The following SRSF11 variants were observed in gnomAD, a reference collection of about 807,000 sequenced individuals.
The protein encoded by SRSF11 is serine/arginine-rich splicing factor 11.
SRSF11 carries 9 observed loss-of-function variants against 56.0 expected under a neutral mutation model. The ratio of observed to expected loss-of-function variants is 0.16; its 90% CI spans 0.10 to 0.28. The LOEUF (loss-of-function observed/expected upper bound fraction) is 0.28. Among genes scored for constraint, SRSF11 ranks in the 10% least tolerant of loss-of-function variants. SRSF11 has a pLI of 1.00. For missense variants in SRSF11, 421 were observed against 600.7 expected, an observed-to-expected ratio of 0.70 and a Z score of 3.13; for synonymous variants, 222 against 215.3, an observed-to-expected ratio of 1.03 and a Z score of -0.27.
intron 1 of SRSF11, among the ~76,000 whole-genome samples, chr1:70,212,463 G>T (rs1669647177): frequency 6.6e-6 from 1 of 152,056 alleles, no homozygotes; most frequent in African/African-American, 2.4e-5. Flanking sequence ...TGCCACTTTG[G>T]CCAGGCTGAT....
chr1:70,230,263 G>A, intron 2 of SRSF11: 1 of 1,000,436 alleles, frequency 1.0e-6, no homozygotes. Flanking sequence ...ATTTCATTCA[G>A]AATTCTATTG....
chr1:70,244,886 A>G, intron 8 of SRSF11, 71 bp downstream of exon 8: 1 of 1,484,948 alleles, frequency 6.7e-7, no homozygotes, highest in Non-Finnish European at 9.2e-7. Flanking sequence ...TTAGTAACAA[A>G]AGAGGTGGTT....
intron 7 of SRSF11, among the ~76,000 whole-genome samples, chr1:70,240,352 TAGTG>T (rs1214980081): frequency 3.9e-5 from 6 of 152,242 alleles, no homozygotes; most frequent in Non-Finnish European, 7.3e-5. Flanking sequence ...GTGAAGAAGA[TAGTG>T]AGTGACTCCT....
intron 3 of SRSF11, 113 bp from the exon 4 acceptor site, chr1:70,234,583 A>G (rs1039450440): frequency 6.6e-6 from 5 of 753,270 alleles, no homozygotes; most frequent in African/African-American, 3.5e-5. Flanking sequence ...TACGGAGACC[A>G]TGTAGCCTGA....
At position 70,246,935 on chromosome 1, in the gene SRSF11, A is replaced by G. The variant is rs781512271; in HGVS notation, c.1022+28A>G. ...AAGGTGGCATTGTGAATTCTTGGCA[A>G]TTATTTTTTTAACTTTGCTTCTAAC... On this transcript the variant is annotated intron_variant, in intron 9 of 11. Transcript: ENST00000370949. The G allele has an allele frequency of 2.7e-5, 43 of 1,568,100 alleles. No homozygotes were observed. The South Asian group carries it at 4.8e-4, about 17-fold the overall frequency.
At chr1:70,247,232 T>TTACTTAATGG in intron 9 of SRSF11, 1 of 450,916 alleles carries the variant, frequency 2.2e-6, no homozygotes. Context: ...TATAGTAAGC[T>TTACTTAATGG]ATATTTATCA....
At chr1:70,247,228 A>G in intron 9 of SRSF11, 3 of 491,088 alleles carry the variant, frequency 6.1e-6, no homozygotes, top group Non-Finnish European at 8.1e-6. Context: ...TTATTATAGT[A>G]AGCTATATTT....
chr1:70,215,056 C>T (rs1415044481), intron 1 of SRSF11, among the ~76,000 whole-genome samples: 1 of 152,028 alleles, frequency 6.6e-6, no homozygotes, highest in Non-Finnish European at 1.5e-5. Context: ...CGCCACCACG[C>T]CCAGCTAGTT....
chr1:70,218,888 C>T (rs1312334906), upstream of SRSF11: 1 of 152,014 alleles, frequency 6.6e-6, no homozygotes, highest in Non-Finnish European at 1.5e-5. Flanking sequence ...AACCAACCCC[C>T]ATCAAAAATA....
intron 6 of SRSF11, 140 bp downstream of exon 6, chr1:70,237,692 T>G: frequency 8.3e-7 from 1 of 1,202,574 alleles, no homozygotes; most frequent in East Asian, 2.6e-5. Flanking sequence ...GGAGTGCCAC[T>G]CAGACGTATT....
chr1:70,242,486 TAGAGACAGG>T (rs1571889712), intron 7 of SRSF11, among the ~76,000 whole-genome samples: 1 of 151,324 alleles, frequency 6.6e-6, no homozygotes, highest in Non-Finnish European at 1.5e-5. Flanking sequence ...TTTTTTTATG[TAGAGACAGG>T]GTTTTGCCAT....
rs779610920 is a variant in SRSF11 at position 70,252,943 on chromosome 1, A to G, written c.*2138A>G. The G allele has an allele frequency of 3.3e-5, 5 of 152,232 alleles. No homozygotes were observed. Among genetic ancestry groups the G allele is most frequent in the Non-Finnish European group, 5.9e-5 (4 of 68,034 alleles). 9.4% of individuals were successfully genotyped at this position (152,232 alleles called of 1,614,324 possible). The stretch of plus-strand genomic sequence containing the variant: ...AAAGGTAGTGTTGCACTGGGACACA[A>G]GCCTTTTAACAGATAACCAGTTGAA... On this transcript the variant is annotated 3_prime_UTR_variant, in exon 12 of 12. Coordinates refer to ENST00000370949, the MANE Select transcript of SRSF11 (RefSeq NM_001350605.2).
Position 70,232,253 on chromosome 1 carries a change from G to C in SRSF11, c.338-15G>C. 6.2e-7 allele frequency: 1 copy of C among 1,614,154 alleles called. No homozygotes were observed. ...AGAAAAGAATGTGTTCTAATGCAAG[G>C]ATGTTTCTCTGCAGGAGTTATTCCT... On this transcript the variant is annotated splice_polypyrimidine_tract_variant and intron_variant, in intron 2 of 11. Coordinates refer to ENST00000370949, the MANE Select transcript of SRSF11 (RefSeq NM_001350605.2).
intron 4 of SRSF11, 81 bp from the exon 5 acceptor site, chr1:70,235,420 G>T (rs1173993476): frequency 3.3e-5 from 39 of 1,171,170 alleles, no homozygotes; most frequent in Non-Finnish European, 3.9e-5. Flanking sequence ...ATGGATTTCT[G>T]TTGTTCAGTT....
rs537865341 is a variant in SRSF11, at chr1:70,216,165, A to C, written c.-25-5447A>C. On this transcript the variant is annotated intron_variant, in intron 1 of 12. Coordinates refer to the SRSF11 transcript ENST00000370950. ...GAAGCTTGAGATGGAAAAGAACTAA[A>C]GCTTGTTCATTAGGACTAAGAGGAT... 8.5e-5 allele frequency among the ~76,000 whole-genome samples: 13 copies of C among 152,296 alleles called. 1 individual carries two copies. The East Asian group carries it at 2.3e-3, about 27-fold the overall frequency.
chr1:70,230,365 T>C, intron 2 of SRSF11: 1 of 1,074,122 alleles, frequency 9.3e-7, no homozygotes, highest in South Asian at 2.5e-5. Context: ...ACTTCGGTGT[T>C]AGCTCTTGGT....
intron 5 of SRSF11, among the ~76,000 whole-genome samples, chr1:70,236,077 T>C (rs1313609251): frequency 6.6e-6 from 1 of 152,122 alleles, no homozygotes; most frequent in Non-Finnish European, 1.5e-5. Flanking sequence ...CTTAACTTGG[T>C]GAAAGTCACT....
intron 1 of SRSF11, among the ~76,000 whole-genome samples, chr1:70,213,722 C>G (rs908252735): frequency 6.6e-6 from 1 of 152,082 alleles, no homozygotes; most frequent in East Asian, 1.9e-4. Flanking sequence ...AGTATTCTCA[C>G]GTATTATCCT....
chr1:70,238,783 CAG>C (rs1433339607), intron 6 of SRSF11, among the ~76,000 whole-genome samples: 1 of 152,138 alleles, frequency 6.6e-6, no homozygotes, highest in African/African-American at 2.4e-5. Context: ...AAGAGTAAAT[CAG>C]AGCCAGAGAA....
Sources: allele counts gnomAD v4.1 joint callset (sites outside exome capture counted in the v4.1 genomes callset), GRCh38; gene constraint gnomAD v4.1.1; transcripts MANE v1.5; gene names NCBI Gene and HGNC (gene_info 2026-07-23, HGNC 2026-07-21).